The following HIP1 variants were observed in gnomAD, a reference collection of about 807,000 sequenced individuals.
The protein encoded by HIP1 is huntingtin interacting protein 1, also known as huntingtin-interacting protein 1.
In HIP1, 65 loss-of-function variants were observed where a neutral mutation model predicts 147.6. That is an observed-to-expected ratio of 0.44 (90% CI 0.36 to 0.54). The LOEUF (loss-of-function observed/expected upper bound fraction) is 0.54. HIP1 is among the 20% of genes least tolerant of loss of function. HIP1 has a pLI of 0.00. For synonymous variants in HIP1, 479 were observed against 504.0 expected (o/e 0.95, Z 0.67); for missense variants, 1,061 against 1,299.6 (o/e 0.82, Z 2.82).
At chr7:75,541,125 G>A (rs963853427) in intron 29 of HIP1, among the ~76,000 whole-genome samples, 9 of 151,774 alleles carry the variant, frequency 5.9e-5, no homozygotes, top group Admixed American at 4.6e-4. Context: ...AAAAAGGGCC[G>A]GTGGCTCACG....
intron 1 of HIP1, among the ~76,000 whole-genome samples, chr7:75,678,340 CTTTTTTTTT>C (rs782045169): frequency 3.5e-5 from 3 of 86,342 alleles, no homozygotes; most frequent in African/African-American, 9.6e-5. Flanking sequence ...TTCCTTTATT[CTTTTTTTTT>C]TTTTTTTTTT....
chr7:75,626,578 G>A (rs1462269306), intron 1 of HIP1: 1 of 152,212 alleles, frequency 6.6e-6, no homozygotes, highest in African/African-American at 2.4e-5. Flanking sequence ...AAGAGGGAAA[G>A]CCTGGCAAAG....
Position 75,544,703 on chromosome 7 carries a change from C to T in HIP1, c.2758G>A (p.Ala920Thr). 1.9e-6 allele frequency: 3 copies of T among 1,606,840 alleles called. No homozygotes were observed. Among genetic ancestry groups the T allele is most frequent in the South Asian group, 2.2e-5 (2 of 90,918 alleles). ...GTCCAGCCAGGTCCTACCTTGGATGCAGCCACAAGCTGGGCTGTGCTAGCA... is the reference window on the plus strand; with the variant it reads ...GTCCAGCCAGGTCCTACCTTGGATGTAGCCACAAGCTGGGCTGTGCTAGCA... ...IAASTAQLVA[A>T]SKVKADKDSP... Residue 920 changes from alanine (A) to threonine (T), a missense_variant, in exon 27 of 31, where the codon GCA (alanine) becomes ACA (threonine). Ala to Thr is a moderately conservative substitution (Grantham distance 58). This residue lies in a region of HIP1 where 810 missense variants were observed against 946.8 expected (regional missense o/e 0.86). Coordinates refer to ENST00000336926, the MANE Select transcript of HIP1 (RefSeq NM_005338.7).
At chr7:75,573,472 C>T (rs1167284409) in intron 8 of HIP1, among the ~76,000 whole-genome samples, 3 of 152,162 alleles carry the variant, frequency 2.0e-5, no homozygotes, top group East Asian at 1.9e-4. Context: ...AACAAGAACT[C>T]GGGCAAAGGC....
chr7:75,640,756 AAT>A (rs782741168), intron 1 of HIP1, among the ~76,000 whole-genome samples: 26,328 of 121,284 alleles, frequency 0.22, 2,939 homozygotes, highest in Non-Finnish European at 0.3. Context: ...CCATCTCAAT[AAT>A]AATAATAATA....
intron 27 of HIP1, among the ~76,000 whole-genome samples, chr7:75,544,440 TAG>T (rs1794462058): frequency 6.8e-6 from 1 of 147,712 alleles, no homozygotes; most frequent in South Asian, 2.1e-4. Flanking sequence ...CTATCTAACG[TAG>T]CCAAGTATTC....
chr7:75,536,592 A>C lies in HIP1; in HGVS notation c.*1580T>G. The C allele has an allele frequency of 4.3e-6, 1 of 230,564 alleles. No homozygotes were observed. Among genetic ancestry groups the C allele is most frequent in the African/African-American group, 2.2e-5 (1 of 45,272 alleles). The allele number at this position is 230,564 out of a possible 1,614,324, so 14.3% of individuals were successfully genotyped here. On this transcript the variant is annotated 3_prime_UTR_variant, in exon 31 of 31. Transcript: ENST00000336926. ...GCTGTTGGGCTGCCCATCCCTGGCA[A>C]GCTGTTCATGTGCCCTCTGTCCTCA...
At chr7:75,602,659 C>T (rs941126252) in intron 1 of HIP1, among the ~76,000 whole-genome samples, 4 of 151,780 alleles carry the variant, frequency 2.6e-5, no homozygotes, top group South Asian at 2.1e-4. Flanking sequence ...CCTGCCACCA[C>T]GCCCAGCTAA....
At chr7:75,665,477 G>C (rs573951755) in intron 1 of HIP1, among the ~76,000 whole-genome samples, 10 of 152,066 alleles carry the variant, frequency 6.6e-5, no homozygotes, top group African/African-American at 2.4e-4. Flanking sequence ...GGATGTGGAG[G>C]CCATCCTGTC....
rs188379178 is a variant in HIP1, at chr7:75,586,526, G to C, written c.465+227C>G. Among the ~76,000 whole-genome samples, 275 of 152,172 alleles carry C rather than the reference G, an allele frequency of 1.8e-3. 2 individuals are homozygous for C. The East Asian group carries it at 0.021, about 12-fold the overall frequency. ...CAGGTTTCTTTCTAGCTGCAAAATG[G>C]GGAACAAAGGGTGCAGAAGACACGG... On this transcript the variant is annotated intron_variant, in intron 5 of 30. Coordinates refer to ENST00000336926, the MANE Select transcript of HIP1 (RefSeq NM_005338.7).
intron 1 of HIP1, among the ~76,000 whole-genome samples, chr7:75,701,122 G>A (rs1164353774): frequency 6.6e-6 from 1 of 152,116 alleles, no homozygotes; most frequent in African/African-American, 2.4e-5. Context: ...CAGGCACAGT[G>A]GCACATGCTA....
chr7:75,580,732 T>TTC lies in HIP1; in HGVS notation c.604+503_604+504dup, dbSNP rs373677844. ...CCAGCCTGGGCGACAGAGTGAGACCTTCTCTCTCTCTCTCTCTTTTTTCTT... is the reference window on the plus strand; with the variant it reads ...CCAGCCTGGGCGACAGAGTGAGACCTTCTCTCTCTCTCTCTCTCTTTTTTCTT... On this transcript the variant is annotated intron_variant, in intron 7 of 30. Transcript: ENST00000336926. 6.3e-3 allele frequency among the ~76,000 whole-genome samples: 948 copies of TTC among 151,078 alleles called. 10 individuals are homozygous for TTC. The highest frequency in any genetic ancestry group is 0.021 in the African/African-American group (872 of 41,268).
intron 1 of HIP1, among the ~76,000 whole-genome samples, chr7:75,693,768 G>C (rs1258035123): frequency 2.0e-5 from 3 of 150,650 alleles, no homozygotes; most frequent in Non-Finnish European, 4.4e-5. Context: ...CCAGCTACTC[G>C]GGGGAAGGGA....
rs1469790926 is a variant in HIP1, at chr7:75,713,731, C to T, written c.120+25070G>A. 1.3e-5 allele frequency among the ~76,000 whole-genome samples: 2 copies of T among 151,118 alleles called. 1 individual carries two copies. The stretch of plus-strand genomic sequence containing the variant: ...TTTTTTTTTGAGGTGGAGTCTCGCT[C>T]TGTTGCCCAGGCTGGAGTGCAGTGG... On this transcript the variant is annotated intron_variant, in intron 1 of 30. Coordinates refer to ENST00000336926, the MANE Select transcript of HIP1 (RefSeq NM_005338.7).
At chr7:75,682,558 C>T (rs79203109) in intron 1 of HIP1, among the ~76,000 whole-genome samples, 18,199 of 149,254 alleles carry the variant, frequency 0.12, 1,172 homozygotes, top group African/African-American at 0.17. Context: ...CGGTGCCTGG[C>T]CAACATCCTC....
intron 25 of HIP1, 101 bp from the exon 26 acceptor site, chr7:75,545,289 T>C: frequency 2.7e-6 from 2 of 740,808 alleles, no homozygotes; most frequent in South Asian, 1.6e-5. Flanking sequence ...TCATAGTAAC[T>C]CTGAGACATA....
chr7:75,722,068 C>G (rs1007622247), intron 1 of HIP1, among the ~76,000 whole-genome samples: 5 of 152,132 alleles, frequency 3.3e-5, no homozygotes. Context: ...CTTTGGGAGG[C>G]GGAGGCAGGA....
At chr7:75,722,170 CATG>C (rs1450446948) in intron 1 of HIP1, among the ~76,000 whole-genome samples, 1 of 152,028 alleles carries the variant, frequency 6.6e-6, no homozygotes, top group African/African-American at 2.4e-5. Context: ...ATTAGCCAGG[CATG>C]GTGGTGTGCA....
intron 1 of HIP1, among the ~76,000 whole-genome samples, chr7:75,648,151 GGGCTGGTTGGAGTAGCTGA>G (rs1175284484): frequency 1.3e-4 from 20 of 152,234 alleles, no homozygotes; most frequent in Admixed American, 1.3e-4. Context: ...GGGGTAGCTG[GGGCTGGTTGGAGTAGCTGA>G]GGCTGGTTGG....
Sources: gnomAD v4.1 joint callset for allele counts (sites outside exome capture counted in the v4.1 genomes callset) on GRCh38, gnomAD v4.1.1 for gene constraint, gnomAD v4.1.1 regional missense constraint, MANE v1.5 for transcripts, NCBI Gene and HGNC (gene_info 2026-07-23, HGNC 2026-07-21) for gene names.